NRAS: variants seen among roughly 807,000 people sequenced by gnomAD.
NRAS encodes GTPase NRas.
NRAS carries 6 observed loss-of-function variants against 21.3 expected under a neutral mutation model. That is an observed-to-expected ratio of 0.28 (90% CI 0.15 to 0.56). NRAS has a LOEUF of 0.56. Ranked by LOEUF, NRAS falls within the 20% of genes least tolerant of loss-of-function variation. The probability of loss-of-function intolerance (pLI) is 0.93; values close to 1 mark genes in which losing one functional copy is unlikely to be tolerated. For synonymous variants in NRAS, 84 were observed against 82.0 expected (o/e 1.02, Z -0.13); for missense variants, 143 against 231.3 (o/e 0.62, Z 2.48).
intron 3 of NRAS, among the ~76,000 whole-genome samples, chr1:114,712,791 G>A (rs544358620): frequency 3.3e-5 from 5 of 152,258 alleles, no homozygotes; most frequent in African/African-American, 1.2e-4. Flanking sequence ...AACTCTATGA[G>A]GTAGGTATTA....
rs1658945547 is a variant in NRAS, at chr1:114,707,580, CATT to C, written c.*511_*513del. 1.3e-5 allele frequency: 2 copies of C among 152,404 alleles called. No individual in the cohort carries two copies. Among genetic ancestry groups the C allele is most frequent in the African/African-American group, 4.8e-5 (2 of 41,374 alleles). 9.4% of individuals were successfully genotyped at this position (152,404 alleles called of 1,614,324 possible). On this transcript the variant is annotated 3_prime_UTR_variant, in exon 7 of 7. Transcript: ENST00000369535. ...CCAGTTTAGAGAATAGAGCCGATAA[CATT>C]ATAAACAAACCAAACAGCAATAATA... is the stretch of plus-strand genomic sequence containing the variant.
chr1:114,715,041 T>C lies in NRAS; in HGVS notation c.111+1009A>G, dbSNP rs527510977. 2.0e-5 allele frequency among the ~76,000 whole-genome samples: 3 copies of C among 152,358 alleles called. No homozygotes were observed. In the South Asian group the frequency reaches 6.2e-4, roughly 32 times the overall value. ...CTTTATTTATTTATCTATTTATTTA[T>C]TTTTTGAGACGAAGTCTCGCTCTGT... On this transcript the variant is annotated intron_variant, in intron 2 of 6. Coordinates refer to ENST00000369535, the MANE Select transcript of NRAS (RefSeq NM_002524.5).
At chr1:114,715,277 A>G (rs953727076) in intron 2 of NRAS, among the ~76,000 whole-genome samples, 2 of 152,120 alleles carry the variant, frequency 1.3e-5, no homozygotes. Flanking sequence ...CGCCTGCCTC[A>G]GCCTCCCAAA....
rs965841840 is a variant in NRAS at position 114,706,185 on chromosome 1, G to A, written c.*1909C>T. The A allele has an allele frequency of 1.3e-5, 2 of 152,114 alleles. No homozygotes were observed. Among genetic ancestry groups the A allele is most frequent in the Admixed American group, 1.3e-4 (2 of 15,278 alleles). 9.4% of individuals were successfully genotyped at this position (152,114 alleles called of 1,614,324 possible). A position where few individuals can be genotyped will look rare whatever the true frequency, so the allele number is the denominator to read the frequency against. ...TCATTATACTCTGGACACAGTATAT[G>A]TTTCTTCTCTTCTGAATTTCAAGGT... On this transcript the variant is annotated 3_prime_UTR_variant, in exon 7 of 7. Coordinates refer to ENST00000369535, the MANE Select transcript of NRAS (RefSeq NM_002524.5).
intron 3 of NRAS, among the ~76,000 whole-genome samples, chr1:114,712,575 C>T (rs1206484314): frequency 6.9e-6 from 1 of 145,856 alleles, no homozygotes. Flanking sequence ...TACTTTTAGA[C>T]AAAAAAAAAA....
chr1:114,713,365 G>T lies in NRAS; in HGVS notation c.290+435C>A, dbSNP rs564966552. On this transcript the variant is annotated intron_variant, in intron 3 of 6. Coordinates refer to ENST00000369535, the MANE Select transcript of NRAS (RefSeq NM_002524.5). ...TTTTGTAGAGACAGGGTCTTGCTCTGTTGCCCAGGCTGGTCTCCAACTCCT... is the reference window on the plus strand; with the variant it reads ...TTTTGTAGAGACAGGGTCTTGCTCTTTTGCCCAGGCTGGTCTCCAACTCCT... Among the ~76,000 whole-genome samples, 111 of 152,076 alleles carry T rather than the reference G, an allele frequency of 7.3e-4. 1 individual carries two copies. Among genetic ancestry groups the T allele is most frequent in the Non-Finnish European group, 8.4e-4 (57 of 67,992 alleles).
chr1:114,711,597 C>A (rs1659045779), intron 3 of NRAS, among the ~76,000 whole-genome samples: 1 of 101,386 alleles, frequency 9.9e-6, no homozygotes. Flanking sequence ...CAGAGCAAAA[C>A]TCCGTCTCAA....
chr1:114,716,540 G>C, intron 1 of NRAS, 118 bp downstream of exon 1: 1 of 353,272 alleles, frequency 2.8e-6, no homozygotes, highest in Non-Finnish European at 5.5e-6. Flanking sequence ...CCAAATGGAA[G>C]GACCCCCGCC....
chr1:114,716,188 C>A lies in NRAS; in HGVS notation c.-17-11G>T, dbSNP rs755833903. The A allele has an allele frequency of 1.3e-6, 2 of 1,484,614 alleles. No individual in the cohort carries two copies. Among genetic ancestry groups the A allele is most frequent in the African/African-American group, 1.4e-5 (1 of 72,542 alleles). The allele number at this position is 1,484,614 out of a possible 1,614,324, so 92.0% of individuals were successfully genotyped here. ...CACACCAGCAAGAACCTGTTGGAAA[C>A]CAGTAATCAGGGTTAATTGGCGAGC... On this transcript the variant is annotated splice_polypyrimidine_tract_variant and intron_variant, in intron 1 of 6. Coordinates refer to ENST00000369535, the MANE Select transcript of NRAS (RefSeq NM_002524.5).
chr1:114,709,694 C>G lies in NRAS; in HGVS notation c.325G>C (p.Val109Leu), dbSNP rs730880966. The stretch of plus-strand genomic sequence containing the variant: ...TTGTTTCCCACTAGCACCATAGGTA[C>G]ATCATCCGAGTCTTTTACTCGCTTA... The part of the protein sequence containing the change: ...QIKRVKDSDD[V>L]PMVLVGNKCD... Residue 109 changes from valine to leucine, a missense_variant, in exon 4 of 7, where the codon GTA becomes CTA. Physicochemically the swap from Val to Leu is conservative, Grantham distance 32 (BLOSUM62 1). Transcript: ENST00000369535. 8.7e-6 allele frequency: 14 copies of G among 1,613,578 alleles called. No individual in the cohort carries two copies. The highest frequency in any genetic ancestry group is 1.2e-5 in the Non-Finnish European group (14 of 1,179,602).
At position 114,716,029 on chromosome 1, in the gene NRAS, C is replaced by G. The variant is rs1278890226; in HGVS notation, c.111+21G>C. 2.9e-6 allele frequency: 4 copies of G among 1,363,838 alleles called. No homozygotes were observed. The African/African-American group carries it at 5.7e-5, about 19-fold the overall frequency. 84.5% of individuals were successfully genotyped at this position (1,363,838 alleles called of 1,614,324 possible). On this transcript the variant is annotated intron_variant, in intron 2 of 6. Transcript: ENST00000369535. ...CAAGTGAGAGACAGGATCAGGTCAG[C>G]GGGCTACCACTGGGCCTCACCTCTA... is the stretch of plus-strand genomic sequence containing the variant.
Position 114,706,087 on chromosome 1 carries a change from A to ATTT in NRAS, c.*2004_*2006dup, listed in dbSNP as rs550802278. 1.3e-5 allele frequency: 2 copies of ATTT among 152,224 alleles called. No individual in the cohort carries two copies. Among genetic ancestry groups the ATTT allele is most frequent in the Admixed American group, 6.5e-5 (1 of 15,282 alleles). The allele number at this position is 152,224 out of a possible 1,614,324, so 9.4% of individuals were successfully genotyped here. On this transcript the variant is annotated 3_prime_UTR_variant, in exon 7 of 7. Transcript: ENST00000369535. ...GAAGGAGCAGAAACAGAAAAGCAGA[A>ATTT]TTTCCATTTACAAATGATGACAGTA...
At chr1:114,711,406 C>A (rs188920824) in intron 3 of NRAS, among the ~76,000 whole-genome samples, 4 of 151,640 alleles carry the variant, frequency 2.6e-5, no homozygotes, top group African/African-American at 9.7e-5. Flanking sequence ...GAAACCAGCC[C>A]GGCCAACATG....
chr1:114,714,053 G>T, intron 2 of NRAS, 75 bp from the exon 3 acceptor site: 1 of 930,544 alleles, frequency 1.1e-6, no homozygotes, highest in Non-Finnish European at 1.7e-6. Flanking sequence ...GGAATGCAAT[G>T]CTATTGCCAA....
Position 114,716,176 on chromosome 1 carries a change from A to T in NRAS, c.-16T>A, listed in dbSNP as rs1057520403. On this transcript the variant is annotated splice_region_variant and 5_prime_UTR_variant, in exon 2 of 7. Coordinates refer to ENST00000369535, the MANE Select transcript of NRAS (RefSeq NM_002524.5). ...ACTCAGTCATTTCACACCAGCAAGA[A>T]CCTGTTGGAAACCAGTAATCAGGGT... is the stretch of plus-strand genomic sequence containing the variant. 6.4e-7 allele frequency: 1 copy of T among 1,555,628 alleles called. No individual in the cohort carries two copies. Among genetic ancestry groups the T allele is most frequent in the East Asian group, 2.2e-5 (1 of 44,608 alleles).
chr1:114,715,071 C>T (rs908972742), intron 2 of NRAS, among the ~76,000 whole-genome samples: 2 of 152,178 alleles, frequency 1.3e-5, no homozygotes, highest in South Asian at 4.1e-4. Context: ...CTCTGTTGCC[C>T]AGGCTGGAGG....
chr1:114,712,273 C>T (rs1659065434), intron 3 of NRAS, among the ~76,000 whole-genome samples: 1 of 152,166 alleles, frequency 6.6e-6, no homozygotes. Flanking sequence ...ATTTGTAGTC[C>T]ACCTTTAGAA....
chr1:114,714,065 G>C, intron 2 of NRAS, 87 bp from the exon 3 acceptor site: 1 of 840,964 alleles, frequency 1.2e-6, no homozygotes, highest in Non-Finnish European at 1.9e-6. Flanking sequence ...TATTGCCAAG[G>C]TTAAATAAGC....
intron 3 of NRAS, 73 bp from the exon 4 acceptor site, chr1:114,709,801 A>G: frequency 7.9e-7 from 1 of 1,258,260 alleles, no homozygotes; most frequent in Non-Finnish European, 1.2e-6. Flanking sequence ...CATGCCTGCA[A>G]TCTCAGCACT....
Sources: allele counts gnomAD v4.1 joint callset (sites outside exome capture counted in the v4.1 genomes callset), GRCh38; gene constraint gnomAD v4.1.1; transcripts MANE v1.5; gene names NCBI Gene and HGNC (gene_info 2026-07-23, HGNC 2026-07-21).